SEPTIN7: variants seen among roughly 807,000 people sequenced by gnomAD.
SEPTIN7 encodes septin 7, also known as septin-7.
A neutral mutation model predicts 63.3 loss-of-function variants in SEPTIN7; 10 were observed. The ratio of observed to expected loss-of-function variants is 0.16; its 90% CI spans 0.10 to 0.27. The LOEUF (loss-of-function observed/expected upper bound fraction) is 0.27, where lower values mean the gene tolerates loss of function less well. Ranked by LOEUF, SEPTIN7 falls within the 10% of genes least tolerant of loss-of-function variation. The probability of loss-of-function intolerance (pLI) is 1.00; values close to 1 mark genes in which losing one functional copy is unlikely to be tolerated. For missense variants in SEPTIN7, 310 were observed against 521.0 expected (o/e 0.59, Z 3.94); for synonymous variants, 131 against 165.3 (o/e 0.79, Z 1.59).
At chr7:35,823,827 A>G (rs930497186) in intron 1 of SEPTIN7, among the ~76,000 whole-genome samples, 4 of 151,776 alleles carry the variant, frequency 2.6e-5, no homozygotes, top group Admixed American at 6.6e-5. Context: ...GCTGTTTCAC[A>G]TCTTTACTTC....
chr7:35,802,241 C>G (rs1788041655), intron 1 of SEPTIN7: 1 of 353,246 alleles, frequency 2.8e-6, no homozygotes, highest in African/African-American at 2.2e-5. Context: ...TTTACATTTT[C>G]CACTCCTGAG....
intron 9 of SEPTIN7, among the ~76,000 whole-genome samples, 196 bp from the exon 10 acceptor site, chr7:35,885,632 A>G (rs1347965644): frequency 6.6e-6 from 1 of 152,204 alleles, no homozygotes; most frequent in Non-Finnish European, 1.5e-5. Context: ...ATTAAACTAC[A>G]ATAAGGCAAT....
chr7:35,879,856 T>A lies in SEPTIN7; in HGVS notation c.546T>A (p.Arg182=), dbSNP rs538250269. 2.5e-6 allele frequency: 4 copies of A among 1,596,826 alleles called. No homozygotes were observed. The African/African-American group carries it at 4.0e-5, about 16-fold the overall frequency. The stretch of plus-strand genomic sequence containing the variant: ...CATTGGATATTGAGTTTATGAAGCG[T>A]TTGCATGAAAAAGTGAATATCATCC... The part of the protein sequence containing the change: ...LKPLDIEFMK[R]LHEKVNIIPL... Residue 182 remains arginine, a synonymous_variant, in exon 7 of 14, where the codon CGT becomes CGA. Coordinates refer to ENST00000350320, the MANE Select transcript of SEPTIN7 (RefSeq NM_001788.6).
chr7:35,903,517 T>G (rs764287328), intron 13 of SEPTIN7, among the ~76,000 whole-genome samples: 6 of 152,168 alleles, frequency 3.9e-5, no homozygotes. Flanking sequence ...CCCCCAGTTG[T>G]TGGACATAAG....
At chr7:35,813,958 A>G (rs1788892046) in intron 1 of SEPTIN7, among the ~76,000 whole-genome samples, 1 of 152,156 alleles carries the variant, frequency 6.6e-6, no homozygotes, top group African/African-American at 2.4e-5. Flanking sequence ...TATTGGTAGT[A>G]TTGCTGCTAA....
chr7:35,861,918 T>TGG (rs1421077552), intron 3 of SEPTIN7, among the ~76,000 whole-genome samples: 4 of 152,060 alleles, frequency 2.6e-5, no homozygotes, highest in Non-Finnish European at 4.4e-5. Context: ...GTTTTGCATA[T>TGG]TTTTTTTCTT....
chr7:35,818,716 A>C (rs1287287729), intron 1 of SEPTIN7, among the ~76,000 whole-genome samples: 4 of 151,836 alleles, frequency 2.6e-5, no homozygotes, highest in African/African-American at 9.7e-5. Context: ...CTTTCTAGGA[A>C]TTTTTGCATT....
At chr7:35,897,677 T>C (rs1788034754) in intron 11 of SEPTIN7, among the ~76,000 whole-genome samples, 1 of 152,172 alleles carries the variant, frequency 6.6e-6, no homozygotes, top group Non-Finnish European at 1.5e-5. Context: ...GTAGAATGAA[T>C]TTTCAAGAGC....
chr7:35,858,654 G>A lies in SEPTIN7; in HGVS notation c.170-4898G>A, dbSNP rs190501088. On this transcript the variant is annotated intron_variant, in intron 3 of 13. Transcript: ENST00000350320. ...CAGGCATGAGCCACCGCACCTGGCC[G>A]ATTTCTATTCTTTTGGTTTTCTTTT... Among the ~76,000 whole-genome samples, 19 of 149,856 alleles carry A rather than the reference G, an allele frequency of 1.3e-4. No homozygotes were observed. The East Asian group carries it at 3.6e-3, about 28-fold the overall frequency.
At chr7:35,853,502 A>G (rs2116074857) in intron 3 of SEPTIN7, among the ~76,000 whole-genome samples, 1 of 152,262 alleles carries the variant, frequency 6.6e-6, no homozygotes, top group East Asian at 1.9e-4. Context: ...TCTGGGAAGT[A>G]TAGTATGATT....
At chr7:35,846,087 AAG>A (rs1331067084) in intron 3 of SEPTIN7, among the ~76,000 whole-genome samples, 1 of 152,182 alleles carries the variant, frequency 6.6e-6, no homozygotes, top group Non-Finnish European at 1.5e-5. Flanking sequence ...ATGGCATTTT[AAG>A]AGAGAGGACA....
chr7:35,805,311 C>G (rs1788261070), intron 1 of SEPTIN7, among the ~76,000 whole-genome samples: 1 of 152,100 alleles, frequency 6.6e-6, no homozygotes, highest in Non-Finnish European at 1.5e-5. Context: ...TCATAAATGT[C>G]CATTGTTGAC....
chr7:35,906,661 A>T lies in SEPTIN7; in HGVS notation c.*2368A>T, dbSNP rs530619317. 3 of 152,214 alleles carry T rather than the reference A, an allele frequency of 2.0e-5. No homozygotes were observed. The highest frequency in any genetic ancestry group is 4.8e-5 in the African/African-American group (2 of 41,452). 9.4% of individuals were successfully genotyped at this position (152,214 alleles called of 1,614,324 possible). ...AGTGGAATGGGATATCATTGCTTCC[A>T]TATCAGGTTCACAAGCAAGTTAAGT... is the stretch of plus-strand genomic sequence containing the variant. On this transcript the variant is annotated 3_prime_UTR_variant, in exon 14 of 14. Coordinates refer to ENST00000350320, the MANE Select transcript of SEPTIN7 (RefSeq NM_001788.6).
intron 9 of SEPTIN7, among the ~76,000 whole-genome samples, chr7:35,885,010 T>C (rs1196390288): frequency 1.3e-5 from 2 of 152,024 alleles, no homozygotes; most frequent in East Asian, 3.9e-4. Flanking sequence ...TGCTATTATT[T>C]TTGAACTTCG....
chr7:35,865,617 G>T (rs1490049343), intron 4 of SEPTIN7, among the ~76,000 whole-genome samples: 3 of 151,712 alleles, frequency 2.0e-5, no homozygotes, highest in Non-Finnish European at 2.9e-5. Flanking sequence ...CATTGCTGTT[G>T]TGTGTGCATA....
At chr7:35,817,274 G>A (rs775246100) in intron 1 of SEPTIN7, among the ~76,000 whole-genome samples, 1 of 151,982 alleles carries the variant, frequency 6.6e-6, no homozygotes, top group African/African-American at 2.4e-5. Context: ...TGGCTATCCA[G>A]TAGTTTCATC....
intron 10 of SEPTIN7, among the ~76,000 whole-genome samples, chr7:35,888,130 A>G (rs1394816825): frequency 6.6e-6 from 1 of 152,218 alleles, no homozygotes; most frequent in Non-Finnish European, 1.5e-5. Flanking sequence ...AAAGAAAACA[A>G]AAGGAGAACA....
At chr7:35,815,207 T>C (rs181134404) in intron 1 of SEPTIN7, 77 of 423,242 alleles carry the variant, frequency 1.8e-4, no homozygotes, top group African/African-American at 1.3e-3. Context: ...GAATCAACCA[T>C]TGTCCAAGGA....
rs1785779647 is a variant in SEPTIN7, at chr7:35,865,803, G to T, written c.276+2145G>T. ...AATAATCCCCTACATTTTAGATATT[G>T]CAGACATTTTCTCCCCAGGCAAGCA... On this transcript the variant is annotated intron_variant, in intron 4 of 13. Coordinates refer to ENST00000350320, the MANE Select transcript of SEPTIN7 (RefSeq NM_001788.6). Among the ~76,000 whole-genome samples, 3 of 152,070 alleles carry T rather than the reference G, an allele frequency of 2.0e-5. No individual in the cohort carries two copies. The South Asian group carries it at 6.2e-4, about 31-fold the overall frequency.
Sources: allele counts gnomAD v4.1 joint callset (sites outside exome capture counted in the v4.1 genomes callset), GRCh38; gene constraint gnomAD v4.1.1; transcripts MANE v1.5; gene names NCBI Gene and HGNC (gene_info 2026-07-23, HGNC 2026-07-21).